KCNH2: variants seen among roughly 807,000 people sequenced by gnomAD.
KCNH2 encodes voltage-gated inwardly rectifying potassium channel KCNH2.
In KCNH2, 35 loss-of-function variants were observed where a neutral mutation model predicts 95.9. That is an observed-to-expected ratio of 0.37 (90% CI 0.28 to 0.48). The LOEUF is 0.48. Among genes scored for constraint, KCNH2 ranks in the 20% least tolerant of loss-of-function variants. The pLI is 0.99. For synonymous variants in KCNH2, 786 were observed against 754.7 expected (o/e 1.04, Z -0.68); for missense variants, 1,274 against 1,702.9 (o/e 0.75, Z 4.43).
rs979913851 is a variant in KCNH2 at position 150,962,611 on chromosome 7, A to G, written c.308-2875T>C. Among the ~76,000 whole-genome samples, 1 of 115,266 alleles carries G rather than the reference A, an allele frequency of 8.7e-6. No individual in the cohort carries two copies. The highest frequency in any genetic ancestry group is 8.7e-5 in the Admixed American group (1 of 11,532). The allele number at this position is 115,266 out of a possible 152,430, so 75.6% of individuals were successfully genotyped here. ...GCACAAGCCTGTAACTCACACTTACACACACACACGAGAGACAGAGAGAGA... is the reference window on the plus strand; with the variant it reads ...GCACAAGCCTGTAACTCACACTTACGCACACACACGAGAGACAGAGAGAGA... On this transcript the variant is annotated intron_variant, in intron 2 of 14. Transcript: ENST00000262186. This position sits in a 1 kb window ranked among gnomAD's most constrained non-coding sequence, Gnocchi z 5.7.
chr7:150,951,785 C>T lies in KCNH2; in HGVS notation c.1608G>A (p.Ala536=), dbSNP rs144925439. Residue 536 remains alanine (A), a synonymous_variant, in exon 7 of 15, where the codon GCG becomes GCA. Coordinates refer to ENST00000262186, the MANE Select transcript of KCNH2 (RefSeq NM_000238.4). ...ACTCTGAGTAGCGATCCAGCTTCCGCGCCACGCGCACCAGCCGCAGCAGCC... is the reference window on the plus strand; with the variant it reads ...ACTCTGAGTAGCGATCCAGCTTCCGTGCCACGCGCACCAGCCGCAGCAGCC... ...TARLLRLVRV[A]RKLDRYSEYG... is the part of the protein sequence containing the mutation. The T allele has an allele frequency of 2.9e-5, 46 of 1,596,574 alleles. No homozygotes were observed. The highest frequency in any genetic ancestry group is 2.1e-4 in the African/African-American group (16 of 74,884).
In KCNH2 at chr7:150,945,273, G is replaced by A. The variant is rs149750773; in HGVS notation, c.*92C>T. 219 of 1,386,944 alleles carry A rather than the reference G, an allele frequency of 1.6e-4. No homozygotes were observed. In the East Asian group the frequency reaches 3.7e-3, roughly 23 times the overall value. The allele number at this position is 1,386,944 out of a possible 1,614,324, so 85.9% of individuals were successfully genotyped here. On this transcript the variant is annotated 3_prime_UTR_variant, in exon 15 of 15. Transcript: ENST00000262186. The surrounding 1 kb of genome is among the most constrained non-coding windows in gnomAD (Gnocchi z 5.6). Reference sequence around the variant, plus strand: ...CTTTCGAGTTCCTCTCCCCTTCCACGGTCAGGGCCTCCTGAGCAGGGCCTC... The same window carrying A: ...CTTTCGAGTTCCTCTCCCCTTCCACAGTCAGGGCCTCCTGAGCAGGGCCTC...
chr7:150,957,348 C>A lies in KCNH2; in HGVS notation c.1071G>T (p.Glu357Asp), dbSNP rs762016259. 4.3e-6 allele frequency: 7 copies of A among 1,611,884 alleles called. No individual in the cohort carries two copies. The East Asian group carries it at 1.6e-4, about 36-fold the overall frequency. The change falls in exon 5 of 15, where the codon GAG becomes GAT. Residue 357 changes from glutamate to aspartate, a missense_variant. Glu to Asp is a conservative substitution (Grantham distance 45). Transcript: ENST00000262186. ...PFLASPTSDR[E>D]IIAPKIKERT... Reference sequence around the variant, plus strand: ...GCTCCTTTATCTTAGGTGCTATGATCTCACGGTCACTGGTGGGCGAAGCCA... The same window carrying A: ...GCTCCTTTATCTTAGGTGCTATGATATCACGGTCACTGGTGGGCGAAGCCA...
chr7:150,973,760 C>T (rs1801897793), intron 2 of KCNH2, among the ~76,000 whole-genome samples: 1 of 152,268 alleles, frequency 6.6e-6, no homozygotes, highest in Non-Finnish European at 1.5e-5. Context: ...GCAGAGCGTG[C>T]TCACTGTCTA....
chr7:150,957,198 G>GC, intron 5 of KCNH2, 93 bp downstream of exon 5: 2 of 1,081,518 alleles, frequency 1.8e-6, no homozygotes, highest in Non-Finnish European at 2.8e-6. Flanking sequence ...TCACTGGCTA[G>GC]CCCCCTCCAC....
At position 150,959,617 on chromosome 7, in the gene KCNH2, G is replaced by A; in HGVS notation, c.427C>T (p.His143Tyr). 6.2e-7 allele frequency: 1 copy of A among 1,614,128 alleles called. No homozygotes were observed. The highest frequency in any genetic ancestry group is 8.5e-7 in the Non-Finnish European group (1 of 1,180,016). Residue 143 changes from histidine to tyrosine, a missense_variant, in exon 3 of 15, where the codon CAT becomes TAT. By Grantham distance (83) the His-to-Tyr change is moderately conservative. Transcript: ENST00000262186. ...GGGGGGCCCCGGTGGTTGGTGTCATGAGCCGGGGACCCCACCATGTCCTTC... is the reference window on the plus strand; with the variant it reads ...GGGGGGCCCCGGTGGTTGGTGTCATAAGCCGGGGACCCCACCATGTCCTTC... ...MEKDMVGSPA[H>Y]DTNHRGPPTS...
intron 2 of KCNH2, among the ~76,000 whole-genome samples, chr7:150,969,501 C>T (rs937071238): frequency 3.3e-5 from 5 of 152,168 alleles, no homozygotes; most frequent in Non-Finnish European, 7.3e-5. Context: ...CTGTGCCCCA[C>T]AATGTCCACG....
In KCNH2 at chr7:150,952,316, C is replaced by CTTTCTCTG. The variant is rs975406654; in HGVS notation, c.1557+108_1557+109insCAGAGAAA. 27 of 1,170,454 alleles carry CTTTCTCTG rather than the reference C, an allele frequency of 2.3e-5. No homozygotes were observed. The highest frequency in any genetic ancestry group is 1.2e-6 in the Non-Finnish European group (1 of 811,306). The allele number at this position is 1,170,454 out of a possible 1,614,324, so 72.5% of individuals were successfully genotyped here. A position where few individuals can be genotyped will look rare whatever the true frequency, so the allele number is the denominator to read the frequency against. On this transcript the variant is annotated intron_variant, in intron 6 of 14. Transcript: ENST00000262186. The surrounding 1 kb of genome is among the most constrained non-coding windows in gnomAD (Gnocchi z 7.3). ...TCCCACTGTCTTTCTCTCTTTCTCT[C>CTTTCTCTG]TCTCTCTCTTTTTCTCTGTCCTCCT...
In KCNH2 at chr7:150,946,032, G is replaced by A. The variant is rs576791207; in HGVS notation, c.3331-518C>T. On this transcript the variant is annotated intron_variant, in intron 14 of 14. Coordinates refer to ENST00000262186, the MANE Select transcript of KCNH2 (RefSeq NM_000238.4). This position sits in a 1 kb window ranked among gnomAD's most constrained non-coding sequence, Gnocchi z 6.5. ...GAGCGTCTGCTGGTGAGAGCTCTGC[G>A]GGGGCGGCTGCGAAGGGAGACTGGC... 2.0e-5 allele frequency among the ~76,000 whole-genome samples: 3 copies of A among 152,290 alleles called. No homozygotes were observed. The highest frequency in any genetic ancestry group is 6.5e-5 in the Admixed American group (1 of 15,300).
chr7:150,949,458 G>C (rs557260931), intron 9 of KCNH2: 1 of 717,000 alleles, frequency 1.4e-6, no homozygotes, highest in Admixed American at 5.9e-5. Context: ...CAGTAGTATA[G>C]CTTAGCACAG....
Position 150,952,491 on chromosome 7 carries a change from C to A in KCNH2, c.1491G>T (p.Trp497Cys). The A allele has an allele frequency of 1.2e-6, 2 of 1,614,170 alleles. No individual in the cohort carries two copies. Among genetic ancestry groups the A allele is most frequent in the African/African-American group, 1.3e-5 (1 of 75,058 alleles). ...TGGCGGCCACCATGTCGATGAGGAA[C>A]CAGCCCTTGAAGTAGTGGACGGCGA... ...GRIAVHYFKG[W>C]FLIDMVAAIP... Residue 497 changes from tryptophan to cysteine, a missense_variant, in exon 6 of 15, where the codon TGG becomes TGT. Trp to Cys is a radical substitution (Grantham distance 215). Transcript: ENST00000262186. The surrounding 1 kb of genome is among the most constrained non-coding windows in gnomAD (Gnocchi z 7.3).
chr7:150,961,514 G>A lies in KCNH2; in HGVS notation c.308-1778C>T, dbSNP rs893064120. On this transcript the variant is annotated intron_variant, in intron 2 of 14. Transcript: ENST00000262186. This position sits in a 1 kb window ranked among gnomAD's most constrained non-coding sequence, Gnocchi z 6.2. ...GGGTTTTCACTGTGTTGGCCAGGCTGGTCTCAAACTCCTGGCCTCAAGTGA... is the reference window on the plus strand; with the variant it reads ...GGGTTTTCACTGTGTTGGCCAGGCTAGTCTCAAACTCCTGGCCTCAAGTGA... Among the ~76,000 whole-genome samples the A allele has an allele frequency of 6.6e-6, 1 of 151,918 alleles. No individual in the cohort carries two copies. The highest frequency in any genetic ancestry group is 1.5e-5 in the Non-Finnish European group (1 of 67,970).
chr7:150,948,520 G>A lies in KCNH2; in HGVS notation c.2616C>T (p.Pro872=), dbSNP rs374296728. The change falls in exon 11 of 15, where the codon CCC becomes CCT. Residue 872 remains proline (P), a synonymous_variant. Coordinates refer to ENST00000262186, the MANE Select transcript of KCNH2 (RefSeq NM_000238.4). The part of the protein sequence containing the change: ...LRDTNMIPGS[P]GSTELEGGFS... The stretch of plus-strand genomic sequence containing the variant: ...AGCCACCCTCTAACTCCGTACTGCC[G>A]GGGGAGCCCGGGATCATGTTGGTCT... 103 of 1,600,484 alleles carry A rather than the reference G, an allele frequency of 6.4e-5. No homozygotes were observed. The highest frequency in any genetic ancestry group is 1.7e-4 in the African/African-American group (13 of 74,286).
At chr7:150,948,152 C>G (rs1041239009) in intron 11 of KCNH2, among the ~76,000 whole-genome samples, 3 of 152,200 alleles carry the variant, frequency 2.0e-5, no homozygotes, top group African/African-American at 7.2e-5. Context: ...CCCTGGCCCT[C>G]CTTTGTTCTA....
intron 1 of KCNH2, among the ~76,000 whole-genome samples, chr7:150,975,353 A>C (rs1463060304): frequency 6.6e-6 from 1 of 152,188 alleles, no homozygotes; most frequent in East Asian, 1.9e-4. Flanking sequence ...TTCCCTTTGC[A>C]TCGGCTCTCT....
rs755834128 is a variant in KCNH2 at position 150,952,535 on chromosome 7, C to T, written c.1447G>A (p.Val483Ile). 4.8e-5 allele frequency: 78 copies of T among 1,614,072 alleles called. No homozygotes were observed. The highest frequency in any genetic ancestry group is 6.5e-5 in the Non-Finnish European group (77 of 1,180,048). ...TTYVNANEEVVSHPGRIAVHY... is the reference protein window; with the variant it reads ...TTYVNANEEVISHPGRIAVHY... ...ACGGCGATGCGGCCGGGGTGGCTGA[C>T]CACCTCCTCGTTGGCATTGACGTAG... is the stretch of plus-strand genomic sequence containing the variant. Residue 483 changes from valine (V) to isoleucine (I), a missense_variant, in exon 6 of 15, where the codon GTC (valine) becomes ATC (isoleucine). Coordinates refer to ENST00000262186, the MANE Select transcript of KCNH2 (RefSeq NM_000238.4). The surrounding 1 kb of genome is among the most constrained non-coding windows in gnomAD (Gnocchi z 7.3).
rs759582423 is a variant in KCNH2 at position 150,945,320 on chromosome 7, G to A, written c.*45C>T. 35 of 1,562,368 alleles carry A rather than the reference G, an allele frequency of 2.2e-5. No homozygotes were observed. Among genetic ancestry groups the A allele is most frequent in the East Asian group, 9.4e-5 (4 of 42,346 alleles). On this transcript the variant is annotated 3_prime_UTR_variant, in exon 15 of 15. Coordinates refer to ENST00000262186, the MANE Select transcript of KCNH2 (RefSeq NM_000238.4). The surrounding 1 kb of genome is among the most constrained non-coding windows in gnomAD (Gnocchi z 5.6). ...CCTCCAAGGGGAGCGGCCCAGCAGC[G>A]CCTTGATCCCTGGGTGAGCCACGTG...
chr7:150,963,790 G>GAGGC (rs1801631479), intron 2 of KCNH2, among the ~76,000 whole-genome samples: 1 of 152,330 alleles, frequency 6.6e-6, no homozygotes, highest in African/African-American at 2.4e-5. Context: ...TGGCCTGGGT[G>GAGGC]AGGCAGGCAG....
At position 150,950,247 on chromosome 7, in the gene KCNH2, C is replaced by T; in HGVS notation, c.2319G>A (p.Gly773=). ...APPGDTLVHA[G]DLLTALYFIS... is the part of the protein sequence containing the mutation. ...TGAAGTACAGGGCGGTGAGCAGGTC[C>T]CCAGCATGCACCAGTGTGTCCCCTG... Residue 773 remains glycine, a synonymous_variant, in exon 9 of 15, where the codon GGG becomes GGA. Transcript: ENST00000262186. The T allele has an allele frequency of 6.2e-7, 1 of 1,613,476 alleles. No individual in the cohort carries two copies.
Sources: gnomAD v4.1 joint callset for allele counts (sites outside exome capture counted in the v4.1 genomes callset) on GRCh38, gnomAD v4.1.1 for gene constraint, Gnocchi (gnomAD v3.1) non-coding constraint, MANE v1.5 for transcripts, NCBI Gene and HGNC (gene_info 2026-07-23, HGNC 2026-07-21) for gene names.